Variants in ZCCHC24 observed in about 807,000 individuals in gnomAD.
The protein encoded by ZCCHC24 is zinc finger CCHC domain-containing protein 24.
ZCCHC24 carries 10 observed loss-of-function variants against 26.2 expected under a neutral mutation model. The ratio of observed to expected loss-of-function variants is 0.38; its 90% CI spans 0.24 to 0.65. ZCCHC24 has a LOEUF of 0.65. Ranked by LOEUF, ZCCHC24 falls within the 30% of genes least tolerant of loss-of-function variation. The pLI, the probability that ZCCHC24 is intolerant of heterozygous loss-of-function variation, is 0.54. For synonymous variants in ZCCHC24, 144 were observed against 147.1 expected (o/e 0.98, Z 0.15); for missense variants, 243 against 329.1 (o/e 0.74, Z 2.03).
intron 2 of ZCCHC24, among the ~76,000 whole-genome samples, chr10:79,428,316 T>A (rs1041164899): frequency 1.3e-5 from 2 of 151,968 alleles, no homozygotes; most frequent in African/African-American, 4.8e-5. Context: ...TTTAGAGTAG[T>A]CAAATTCAGA....
At chr10:79,429,197 T>C (rs1857092164) in intron 2 of ZCCHC24, among the ~76,000 whole-genome samples, 1 of 152,206 alleles carries the variant, frequency 6.6e-6, no homozygotes, top group African/African-American at 2.4e-5. Context: ...ACATGTTACA[T>C]GATTCTAGTT....
chr10:79,412,860 C>T (rs756867138), intron 2 of ZCCHC24, among the ~76,000 whole-genome samples: 10 of 152,060 alleles, frequency 6.6e-5, no homozygotes, highest in Non-Finnish European at 1.3e-4. Context: ...GGCAGGCAGT[C>T]GAGAAGCTTT....
intron 3 of ZCCHC24, among the ~76,000 whole-genome samples, chr10:79,391,545 C>T (rs1368923802): frequency 6.6e-6 from 1 of 151,882 alleles, no homozygotes; most frequent in Non-Finnish European, 1.5e-5. Context: ...AAGGACCCAG[C>T]CCCCAGGACT....
chr10:79,423,889 G>A (rs531901099), intron 2 of ZCCHC24, among the ~76,000 whole-genome samples: 2 of 151,200 alleles, frequency 1.3e-5, no homozygotes, highest in South Asian at 2.1e-4. Context: ...GTGGTGGCAG[G>A]CACCTGTAAT....
intron 1 of ZCCHC24, among the ~76,000 whole-genome samples, chr10:79,433,560 C>T (rs1799911749): frequency 6.6e-6 from 1 of 152,222 alleles, no homozygotes; most frequent in African/African-American, 2.4e-5. Flanking sequence ...GAAGGTGGGG[C>T]TGGCAGGGAG....
At chr10:79,425,251 C>A (rs974564447) in intron 2 of ZCCHC24, among the ~76,000 whole-genome samples, 5 of 152,196 alleles carry the variant, frequency 3.3e-5, no homozygotes, top group Admixed American at 6.5e-5. Context: ...TGCAGGCAGG[C>A]CCAGCAGATA....
chr10:79,416,488 G>C (rs1856861646), intron 2 of ZCCHC24, among the ~76,000 whole-genome samples: 1 of 152,182 alleles, frequency 6.6e-6, no homozygotes, highest in Non-Finnish European at 1.5e-5. Flanking sequence ...GTGGGATAAG[G>C]TGGGGAGGAG....
chr10:79,396,128 C>G (rs1291360457), intron 2 of ZCCHC24, among the ~76,000 whole-genome samples: 3 of 152,202 alleles, frequency 2.0e-5, no homozygotes, highest in African/African-American at 4.8e-5. Flanking sequence ...TTGTGTCTGG[C>G]TTCACTTAGT....
rs1054016950 is a variant in ZCCHC24, at chr10:79,445,541, C to T, written c.-101G>A. 3 of 1,079,654 alleles carry T rather than the reference C, an allele frequency of 2.8e-6. No homozygotes were observed. Among genetic ancestry groups the T allele is most frequent in the African/African-American group, 3.3e-5 (2 of 60,332 alleles). The allele number at this position is 1,079,654 out of a possible 1,614,324, so 66.9% of individuals were successfully genotyped here. A position where few individuals can be genotyped will look rare whatever the true frequency, so the allele number is the denominator to read the frequency against. ...GGAGCCTGTGCCCACTGCCCGCCTC[C>T]CGAGCCCCGACGGTGATCGCCCCGC... On this transcript the variant is annotated 5_prime_UTR_variant, in exon 1 of 4. Transcript: ENST00000372336.
chr10:79,412,334 C>A (rs78774085), intron 2 of ZCCHC24, among the ~76,000 whole-genome samples: 2 of 152,196 alleles, frequency 1.3e-5, no homozygotes, highest in Non-Finnish European at 2.9e-5. Context: ...TGGCAGCAGC[C>A]TGCAGCGGCA....
intron 2 of ZCCHC24, among the ~76,000 whole-genome samples, chr10:79,405,168 G>A (rs992982008): frequency 1.5e-4 from 6 of 40,358 alleles, no homozygotes; most frequent in African/African-American, 2.9e-4. Context: ...CGAGAGACAT[G>A]ATCTTCCCTA....
intron 3 of ZCCHC24, among the ~76,000 whole-genome samples, chr10:79,389,528 TAGTG>T (rs922743053): frequency 1.5e-5 from 1 of 65,200 alleles, no homozygotes; most frequent in Non-Finnish European, 3.1e-5. Flanking sequence ...GACTTTTTCC[TAGTG>T]TGTGTGTGTG....
chr10:79,406,935 C>G (rs76588689), intron 2 of ZCCHC24, among the ~76,000 whole-genome samples: 5 of 152,196 alleles, frequency 3.3e-5, no homozygotes, highest in Admixed American at 3.3e-4. Context: ...TTCATACCCA[C>G]CTTTACACAC....
chr10:79,397,335 G>A (rs528263382), intron 2 of ZCCHC24, among the ~76,000 whole-genome samples: 1 of 152,216 alleles, frequency 6.6e-6, no homozygotes, highest in Non-Finnish European at 1.5e-5. Flanking sequence ...ACACCCAGGG[G>A]AGTGCTCAGT....
At chr10:79,409,844 G>A (rs1405468118) in intron 2 of ZCCHC24, among the ~76,000 whole-genome samples, 1 of 152,228 alleles carries the variant, frequency 6.6e-6, no homozygotes, top group Non-Finnish European at 1.5e-5. Flanking sequence ...TCCCCACTGC[G>A]AGTGTTTGGA....
At chr10:79,440,902 G>A (rs1589681959) in intron 1 of ZCCHC24, among the ~76,000 whole-genome samples, 1 of 152,148 alleles carries the variant, frequency 6.6e-6, no homozygotes, top group Admixed American at 6.5e-5. Context: ...TCCAGTCAAC[G>A]TAATCTGACA....
intron 3 of ZCCHC24, among the ~76,000 whole-genome samples, chr10:79,389,603 ATTT>A (rs1313144476): frequency 8.0e-5 from 12 of 149,366 alleles, no homozygotes; most frequent in Non-Finnish European, 5.9e-5. Flanking sequence ...TGACTGTCTT[ATTT>A]TTATTTTTTA....
At chr10:79,434,399 T>A (rs1265843567) in intron 1 of ZCCHC24, among the ~76,000 whole-genome samples, 2 of 151,892 alleles carry the variant, frequency 1.3e-5, no homozygotes, top group African/African-American at 2.4e-5. Context: ...AAGCAGAGGG[T>A]CCCCCGTCCC....
chr10:79,384,222 G>A lies in ZCCHC24; in HGVS notation c.*2123C>T, dbSNP rs890467511. 6.6e-6 allele frequency: 1 copy of A among 152,522 alleles called. No individual in the cohort carries two copies. The highest frequency in any genetic ancestry group is 1.5e-5 in the Non-Finnish European group (1 of 68,070). The allele number at this position is 152,522 out of a possible 1,614,324, so 9.4% of individuals were successfully genotyped here. On this transcript the variant is annotated 3_prime_UTR_variant, in exon 4 of 4. Transcript: ENST00000372336. ...GTGATATCCCAACTCCCCTTAGCCC[G>A]TGCAGGGAAGCCCTGGCCTCCAGTG... is the stretch of plus-strand genomic sequence containing the variant.
Sources: gnomAD v4.1 joint callset for allele counts (sites outside exome capture counted in the v4.1 genomes callset) on GRCh38, gnomAD v4.1.1 for gene constraint, MANE v1.5 for transcripts, NCBI Gene and HGNC (gene_info 2026-07-23, HGNC 2026-07-21) for gene names.